The following ADAMTS12 variants were observed in gnomAD, a reference collection of about 807,000 sequenced individuals.
ADAMTS12 encodes A disintegrin and metalloproteinase with thrombospondin motifs 12.
Under a neutral mutation model 167.8 loss-of-function variants are expected in ADAMTS12, and 118 were observed. The ratio of observed to expected loss-of-function variants is 0.70; its 90% CI spans 0.61 to 0.82. ADAMTS12 has a LOEUF of 0.82. ADAMTS12 is among the 40% of genes least tolerant of loss of function. The probability of loss-of-function intolerance (pLI) is 0.00; values close to 1 mark genes in which losing one functional copy is unlikely to be tolerated. For missense variants in ADAMTS12, 1,916 were observed against 1,998.8 expected (o/e 0.96, Z 0.79); for synonymous variants, 704 against 716.9 (o/e 0.98, Z 0.29).
At chr5:33,570,063 A>G (rs1746242476) in intron 19 of ADAMTS12, among the ~76,000 whole-genome samples, 1 of 152,222 alleles carries the variant, frequency 6.6e-6, no homozygotes, top group African/African-American at 2.4e-5. Flanking sequence ...ATAAAAAGGA[A>G]CAAACAAAGC....
At chr5:33,774,723 AT>A (rs1478146253) in intron 2 of ADAMTS12, among the ~76,000 whole-genome samples, 1 of 152,210 alleles carries the variant, frequency 6.6e-6, no homozygotes, top group Non-Finnish European at 1.5e-5. Flanking sequence ...TTTGTACAAC[AT>A]TAACCCATTT....
Position 33,683,792 on chromosome 5 carries a change from A to C in ADAMTS12, c.831+67T>G, listed in dbSNP as rs879246188. The C allele has an allele frequency of 3.2e-6, 4 of 1,266,734 alleles. No homozygotes were observed. The South Asian group carries it at 1.1e-4, about 35-fold the overall frequency. The allele number at this position is 1,266,734 out of a possible 1,614,324, so 78.5% of individuals were successfully genotyped here. A position where few individuals can be genotyped will look rare whatever the true frequency, so the allele number is the denominator to read the frequency against. ...GACCCCAAAAAGGCCTTTCTTATTT[A>C]TTTATGTAAGCATTTCTAATGACAT... On this transcript the variant is annotated intron_variant, in intron 4 of 23. Coordinates refer to ENST00000504830, the MANE Select transcript of ADAMTS12 (RefSeq NM_030955.4).
Position 33,643,386 on chromosome 5 carries a change from C to T in ADAMTS12, c.1564G>A (p.Glu522Lys). The T allele has an allele frequency of 1.2e-6, 2 of 1,614,162 alleles. No individual in the cohort carries two copies. The highest frequency in any genetic ancestry group is 1.7e-6 in the Non-Finnish European group (2 of 1,179,982). The part of the protein sequence containing the change: ...DAAADGTQCG[E>K]KKWCMAGKCI... ...TCGGCCTGACGCATCACCTTCTTCTCACCACATTGAGTTCCATCTGCAGCA... is the reference window on the plus strand; with the variant it reads ...TCGGCCTGACGCATCACCTTCTTCTTACCACATTGAGTTCCATCTGCAGCA... The change falls in exon 10 of 24, where the codon GAG becomes AAG. Residue 522 changes from glutamate (E) to lysine (K), a missense_variant. Glu to Lys is a moderately conservative substitution (Grantham distance 56). Transcript: ENST00000504830.
At chr5:33,687,174 A>T (rs576639945) in intron 3 of ADAMTS12, among the ~76,000 whole-genome samples, 5 of 152,004 alleles carry the variant, frequency 3.3e-5, no homozygotes, top group African/African-American at 1.2e-4. Context: ...AAACAGTCAT[A>T]TAGGAGGAAA....
At chr5:33,556,934 C>T (rs1745512462) in intron 20 of ADAMTS12, among the ~76,000 whole-genome samples, 1 of 152,174 alleles carries the variant, frequency 6.6e-6, no homozygotes, top group Non-Finnish European at 1.5e-5. Flanking sequence ...AGCCTGTGGC[C>T]CCCGAGTGTT....
intron 14 of ADAMTS12, 95 bp downstream of exon 14, chr5:33,624,136 A>C: frequency 6.5e-7 from 1 of 1,546,274 alleles, no homozygotes; most frequent in Non-Finnish European, 8.8e-7. Flanking sequence ...CAGACTGTTT[A>C]AAGAAATAAA....
rs767033876 is a variant in ADAMTS12 at position 33,534,906 on chromosome 5, T to A, written c.4533A>T (p.Gln1511His). The A allele has an allele frequency of 6.2e-7, 1 of 1,614,112 alleles. No homozygotes were observed. Among genetic ancestry groups the A allele is most frequent in the Non-Finnish European group, 8.5e-7 (1 of 1,180,002 alleles). The change falls in exon 23 of 24, where the codon CAA becomes CAT. Residue 1511 changes from glutamine (Q) to histidine (H), a missense_variant. By Grantham distance (24) the Gln-to-His change is conservative. Coordinates refer to ENST00000504830, the MANE Select transcript of ADAMTS12 (RefSeq NM_030955.4). The part of the protein sequence containing the change: ...SEGNKTEDQD[Q>H]CLCDHKPRPP... Reference sequence around the variant, plus strand: ...GTCTGGGTTTGTGATCACATAGACATTGGTCTTGGTCTTCAGTTTTATTGC... The same window carrying A: ...GTCTGGGTTTGTGATCACATAGACAATGGTCTTGGTCTTCAGTTTTATTGC...
At position 33,576,324 on chromosome 5, in the gene ADAMTS12, G is replaced by T. The variant is rs200655889; in HGVS notation, c.3702C>A (p.Pro1234=). 73 of 1,614,044 alleles carry T rather than the reference G, an allele frequency of 4.5e-5. No homozygotes were observed. The African/African-American group carries it at 8.9e-4, about 20-fold the overall frequency. Residue 1234 remains proline (P), a synonymous_variant, in exon 19 of 24, where the codon CCC becomes CCA. Transcript: ENST00000504830. Reference sequence around the variant, plus strand: ...TTTCAGTAACCATCCCCTCAACTCTGGGTGTCCCAGTTTCGGAAGTAGTGG... The same window carrying T: ...TTTCAGTAACCATCCCCTCAACTCTTGGTGTCCCAGTTTCGGAAGTAGTGG... ...QRPTTSETGT[P]RVEGMVTEKP... is the part of the protein sequence containing the mutation.
At chr5:33,583,263 G>T (rs1391577801) in intron 18 of ADAMTS12, among the ~76,000 whole-genome samples, 1 of 152,002 alleles carries the variant, frequency 6.6e-6, no homozygotes, top group Non-Finnish European at 1.5e-5. Flanking sequence ...TCTGTGCCTG[G>T]CTTATTTCAC....
intron 2 of ADAMTS12, among the ~76,000 whole-genome samples, chr5:33,776,962 C>A (rs1229971621): frequency 6.6e-6 from 1 of 151,994 alleles, no homozygotes; most frequent in East Asian, 1.9e-4. Flanking sequence ...TACAACCTGC[C>A]AAGTCTGAAT....
intron 1 of ADAMTS12, among the ~76,000 whole-genome samples, chr5:33,889,911 C>A (rs1234416481): frequency 6.6e-6 from 1 of 152,128 alleles, no homozygotes; most frequent in East Asian, 1.9e-4. Flanking sequence ...GAGATTGCAC[C>A]ACCGCACTCC....
At chr5:33,545,976 GT>G in intron 22 of ADAMTS12, 82 bp downstream of exon 22, 1 of 1,496,606 alleles carries the variant, frequency 6.7e-7, no homozygotes, top group Non-Finnish European at 8.9e-7. Context: ...AAACCTGCAC[GT>G]TGTGCACAGG....
intron 5 of ADAMTS12, among the ~76,000 whole-genome samples, chr5:33,665,741 G>A (rs1741441974): frequency 6.6e-6 from 1 of 152,160 alleles, no homozygotes; most frequent in Non-Finnish European, 1.5e-5. Context: ...ATGAGATACA[G>A]GGTTTTATTA....
chr5:33,653,967 G>A (rs922025602), intron 7 of ADAMTS12, among the ~76,000 whole-genome samples: 6 of 151,986 alleles, frequency 3.9e-5, no homozygotes, highest in South Asian at 2.1e-4. Context: ...ATATTCTCAC[G>A]GGTCTCTGAA....
At chr5:33,834,411 A>C (rs1310430744) in intron 2 of ADAMTS12, among the ~76,000 whole-genome samples, 1 of 152,204 alleles carries the variant, frequency 6.6e-6, no homozygotes, top group Non-Finnish European at 1.5e-5. Flanking sequence ...TCATATATAG[A>C]GAAAACAATG....
chr5:33,672,293 C>A (rs1173890175), intron 5 of ADAMTS12, among the ~76,000 whole-genome samples: 2 of 149,538 alleles, frequency 1.3e-5, no homozygotes, highest in East Asian at 4.0e-4. Flanking sequence ...CATACACACA[C>A]CCCCACATAC....
intron 5 of ADAMTS12, among the ~76,000 whole-genome samples, chr5:33,671,831 C>A (rs1369709254): frequency 2.6e-5 from 4 of 151,184 alleles, no homozygotes; most frequent in African/African-American, 9.8e-5. Flanking sequence ...TACCCACACA[C>A]CCACACACTC....
At chr5:33,821,525 C>A (rs2591731) in intron 2 of ADAMTS12, among the ~76,000 whole-genome samples, 1 of 151,886 alleles carries the variant, frequency 6.6e-6, no homozygotes, top group African/African-American at 2.4e-5. Flanking sequence ...TTAGGTCATA[C>A]AAATTTTTAT....
In ADAMTS12 at chr5:33,746,702, C is replaced by G. The variant is rs1458666406; in HGVS notation, c.634+4702G>C. Among the ~76,000 whole-genome samples the G allele has an allele frequency of 2.6e-5, 4 of 152,164 alleles. No individual in the cohort carries two copies. In the East Asian group the frequency reaches 7.7e-4, roughly 29 times the overall value. On this transcript the variant is annotated intron_variant, in intron 3 of 23. Coordinates refer to ENST00000504830, the MANE Select transcript of ADAMTS12 (RefSeq NM_030955.4). Reference sequence around the variant, plus strand: ...TGGTTAGGCTGCAGTCCCCGTTATTCAATCAAACACTAATCTGGGTGTTGC... The same window carrying G: ...TGGTTAGGCTGCAGTCCCCGTTATTGAATCAAACACTAATCTGGGTGTTGC...
Sources: allele counts gnomAD v4.1 joint callset (sites outside exome capture counted in the v4.1 genomes callset), GRCh38; gene constraint gnomAD v4.1.1; transcripts MANE v1.5; gene names NCBI Gene and HGNC (gene_info 2026-07-23, HGNC 2026-07-21).